Variants in ATP10D observed in about 807,000 individuals in gnomAD.
The protein encoded by ATP10D is ATPase phospholipid transporting 10D (putative).
A neutral mutation model predicts 144.8 loss-of-function variants in ATP10D; 89 were observed. The ratio of observed to expected loss-of-function variants is 0.61; its 90% CI spans 0.52 to 0.73. The LOEUF (loss-of-function observed/expected upper bound fraction) is 0.73. Among genes scored for constraint, ATP10D ranks in the 30% least tolerant of loss-of-function variants. The pLI, the probability that ATP10D is intolerant of heterozygous loss-of-function variation, is 0.00. For missense variants in ATP10D, 1,603 were observed against 1,714.8 expected (o/e 0.93, Z 1.15); for synonymous variants, 571 against 615.1 (o/e 0.93, Z 1.06).
intron 1 of ATP10D, chr4:47,491,231 G>T: frequency 1.3e-6 from 1 of 775,298 alleles, no homozygotes. Context: ...CCCTTAACTT[G>T]TTTACAACAA....
chr4:47,545,195 G>T (rs993020532), intron 9 of ATP10D, among the ~76,000 whole-genome samples: 1 of 152,138 alleles, frequency 6.6e-6, no homozygotes, highest in Non-Finnish European at 1.5e-5. Context: ...GGGTGAGCTT[G>T]TTACTTTTCA....
At chr4:47,503,220 A>T (rs923749514) in intron 1 of ATP10D, among the ~76,000 whole-genome samples, 1 of 152,076 alleles carries the variant, frequency 6.6e-6, no homozygotes, top group Admixed American at 6.5e-5. Flanking sequence ...AATAAATAAA[A>T]ATAAAATAAA....
chr4:47,494,327 G>C (rs2109382735), intron 1 of ATP10D, among the ~76,000 whole-genome samples: 1 of 152,152 alleles, frequency 6.6e-6, no homozygotes, highest in African/African-American at 2.4e-5. Flanking sequence ...AGGGAATCAA[G>C]TTTTCTTAGC....
chr4:47,512,885 C>A, intron 2 of ATP10D, 55 bp downstream of exon 2: 1 of 1,467,420 alleles, frequency 6.8e-7, no homozygotes, highest in South Asian at 1.3e-5. Context: ...TGATATATAA[C>A]ATATTTTTCA....
At position 47,569,120 on chromosome 4, in the gene ATP10D, A is replaced by G; in HGVS notation, c.3137A>G (p.His1046Arg). ...KSEVVKLVRSHLQVMTLAIGD... is the reference protein window; with the variant it reads ...KSEVVKLVRSRLQVMTLAIGD... ...GAAGTGGTGAAATTGGTCCGCAGCCATCTCCAGGTGATGACCCTTGCTATT... is the reference window on the plus strand; with the variant it reads ...GAAGTGGTGAAATTGGTCCGCAGCCGTCTCCAGGTGATGACCCTTGCTATT... The change falls in exon 16 of 23, where the codon CAT (histidine) becomes CGT (arginine). Residue 1046 changes from histidine (H) to arginine (R), a missense_variant. His to Arg is a conservative substitution (Grantham distance 29). Transcript: ENST00000273859. The G allele has an allele frequency of 6.2e-7, 1 of 1,613,754 alleles. No homozygotes were observed. The highest frequency in any genetic ancestry group is 8.5e-7 in the Non-Finnish European group (1 of 1,179,968).
chr4:47,508,591 G>A (rs536363046), intron 1 of ATP10D, among the ~76,000 whole-genome samples: 2 of 152,250 alleles, frequency 1.3e-5, no homozygotes. Context: ...TGAGCAAAGT[G>A]CTCATTCCTT....
Position 47,507,696 on chromosome 4 carries a change from G to C in ATP10D, c.-37-4808G>C, listed in dbSNP as rs546678044. 7.9e-5 allele frequency among the ~76,000 whole-genome samples: 12 copies of C among 152,320 alleles called. No individual in the cohort carries two copies. The South Asian group carries it at 2.3e-3, about 29-fold the overall frequency. ...GCCAAGCACTGGACAGATGCATAGAGAGGAATTAGGTATGTTCCCGACTTT... is the reference window on the plus strand; with the variant it reads ...GCCAAGCACTGGACAGATGCATAGACAGGAATTAGGTATGTTCCCGACTTT... On this transcript the variant is annotated intron_variant, in intron 1 of 22. Transcript: ENST00000273859.
intron 1 of ATP10D, among the ~76,000 whole-genome samples, chr4:47,503,298 T>C (rs1472768843): frequency 2.6e-5 from 4 of 152,250 alleles, no homozygotes; most frequent in Non-Finnish European, 5.9e-5. Flanking sequence ...GCTTCTGTGA[T>C]GTAGAACAGC....
At chr4:47,580,513 A>G (rs1460070212) in intron 20 of ATP10D, 35 bp downstream of exon 20, 2 of 1,550,044 alleles carry the variant, frequency 1.3e-6, no homozygotes, top group African/African-American at 1.4e-5. Flanking sequence ...TTTGTTATTA[A>G]TGAATCAATG....
intron 1 of ATP10D, among the ~76,000 whole-genome samples, chr4:47,505,755 GA>G (rs917254803): frequency 2.3e-4 from 34 of 146,768 alleles, no homozygotes; most frequent in African/African-American, 7.5e-4. Flanking sequence ...AAAAGAAAAA[GA>G]AAAAAAGAAA....
Position 47,502,068 on chromosome 4 carries a change from A to G in ATP10D, c.-37-10436A>G, listed in dbSNP as rs1715709730. ...GTAAGATTTCTTTTAGTTCCCAATA[A>G]CATAGAGAAACACATATACAACTGC... On this transcript the variant is annotated intron_variant, in intron 1 of 22. Transcript: ENST00000273859. 1.3e-5 allele frequency among the ~76,000 whole-genome samples: 2 copies of G among 152,214 alleles called. 1 individual carries two copies. Among genetic ancestry groups the G allele is most frequent in the South Asian group, 4.1e-4 (2 of 4,836 alleles).
intron 19 of ATP10D, 34 bp from the exon 20 acceptor site, chr4:47,580,364 C>G: frequency 6.6e-7 from 1 of 1,523,358 alleles, no homozygotes; most frequent in Non-Finnish European, 9.1e-7. Flanking sequence ...CCTTGTTAAT[C>G]TTACTACCTC....
At position 47,523,029 on chromosome 4, in the gene ATP10D, T is replaced by C. The variant is rs1164871207; in HGVS notation, c.503T>C (p.Ile168Thr). The C allele has an allele frequency of 6.2e-7, 1 of 1,611,394 alleles. No homozygotes were observed. The highest frequency in any genetic ancestry group is 8.5e-7 in the Non-Finnish European group (1 of 1,178,376). Residue 168 changes from isoleucine (I) to threonine (T), a missense_variant, in exon 4 of 23, where the codon ATT becomes ACT. Coordinates refer to ENST00000273859, the MANE Select transcript of ATP10D (RefSeq NM_020453.4). The stretch of plus-strand genomic sequence containing the variant: ...AATTACAGGAAAGAGAAAAAATACA[T>C]TGACCGATGCTGGAAAGACGTTACT... ...KVYSRKEKKY[I>T]DRCWKDVTVG...
chr4:47,525,680 G>T (rs1032333042), intron 5 of ATP10D, 38 bp downstream of exon 5: 13 of 1,477,788 alleles, frequency 8.8e-6, no homozygotes, highest in Non-Finnish European at 9.5e-6. Flanking sequence ...GGTGTAAGTG[G>T]AATTGTGTGT....
intron 9 of ATP10D, among the ~76,000 whole-genome samples, chr4:47,539,928 G>T (rs1292328661): frequency 6.6e-6 from 1 of 152,150 alleles, no homozygotes; most frequent in Non-Finnish European, 1.5e-5. Context: ...ACACAGAAAA[G>T]ATACCAAGTG....
intron 5 of ATP10D, among the ~76,000 whole-genome samples, chr4:47,534,115 T>G (rs1717705033): frequency 6.6e-6 from 1 of 152,146 alleles, no homozygotes; most frequent in Non-Finnish European, 1.5e-5. Flanking sequence ...ATAAATTGAG[T>G]CATTGAGCTT....
intron 9 of ATP10D, among the ~76,000 whole-genome samples, chr4:47,538,497 A>G (rs1451956191): frequency 6.6e-6 from 1 of 152,172 alleles, no homozygotes; most frequent in Non-Finnish European, 1.5e-5. Context: ...CTATCACTGC[A>G]TAACAAATCA....
chr4:47,488,654 A>G (rs1448442784), intron 1 of ATP10D, among the ~76,000 whole-genome samples: 1 of 144,092 alleles, frequency 6.9e-6, no homozygotes, highest in Non-Finnish European at 1.5e-5. Flanking sequence ...TAAGCTCTGT[A>G]TTTTACATGC....
intron 3 of ATP10D, among the ~76,000 whole-genome samples, chr4:47,518,402 T>C (rs1407424711): frequency 6.6e-6 from 1 of 152,168 alleles, no homozygotes; most frequent in African/African-American, 2.4e-5. Context: ...TCCCTTAAAA[T>C]AGGGGCCACT....
Sources: allele counts gnomAD v4.1 joint callset (sites outside exome capture counted in the v4.1 genomes callset), GRCh38; gene constraint gnomAD v4.1.1; transcripts MANE v1.5; gene names NCBI Gene and HGNC (gene_info 2026-07-23, HGNC 2026-07-21).